The following MAPRE1 variants were observed in gnomAD, a reference collection of about 807,000 sequenced individuals.
The protein encoded by MAPRE1 is microtubule associated protein RP/EB family member 1, also known as microtubule-associated protein RP/EB family member 1.
MAPRE1 carries 5 observed loss-of-function variants against 32.1 expected under a neutral mutation model. The observed-to-expected ratio is 0.16, with a 90% CI of 0.08 to 0.33. The LOEUF (loss-of-function observed/expected upper bound fraction) is 0.33, where lower values mean the gene tolerates loss of function less well. Among genes scored for constraint, MAPRE1 ranks in the 10% least tolerant of loss-of-function variants. The pLI is 1.00. For synonymous variants in MAPRE1, 122 were observed against 118.9 expected (o/e 1.03, Z -0.17); for missense variants, 209 against 327.2 (o/e 0.64, Z 2.79).
intron 5 of MAPRE1, among the ~76,000 whole-genome samples, chr20:32,840,953 C>A (rs1983341019): frequency 6.6e-6 from 1 of 151,654 alleles, no homozygotes; most frequent in South Asian, 2.1e-4. Flanking sequence ...GTAGCTGGGA[C>A]TACAGTCGTG....
chr20:32,827,038 G>A (rs1000197115), intron 2 of MAPRE1, among the ~76,000 whole-genome samples: 1 of 152,142 alleles, frequency 6.6e-6, no homozygotes, highest in African/African-American at 2.4e-5. Flanking sequence ...AGAAGTACAA[G>A]ATCAAAGTCT....
chr20:32,836,042 A>G (rs774708239), intron 3 of MAPRE1, among the ~76,000 whole-genome samples: 15 of 152,038 alleles, frequency 9.9e-5, no homozygotes, highest in Admixed American at 5.2e-4. Flanking sequence ...ACTCACTGCA[A>G]CCTCTGTCTC....
In MAPRE1 at chr20:32,825,943, T is replaced by C; in HGVS notation, c.16T>C (p.Tyr6His). MAVNV[Y>H]STSVTSDNLS... ...GCTTTAGAAGATGGCAGTGAACGTATACTCAACGTCAGTGACCAGTGATAA... is the reference window on the plus strand; with the variant it reads ...GCTTTAGAAGATGGCAGTGAACGTACACTCAACGTCAGTGACCAGTGATAA... Residue 6 changes from tyrosine to histidine, a missense_variant, in exon 2 of 7, where the codon TAC becomes CAC. By Grantham distance (83) the Tyr-to-His change is moderately conservative. Around this residue, in one of 3 missense-constraint regions of MAPRE1, gnomAD observed 67 missense variants for 140.0 expected, o/e 0.48. Transcript: ENST00000375571. 1 of 1,603,664 alleles carries C rather than the reference T, an allele frequency of 6.2e-7. No homozygotes were observed. The highest frequency in any genetic ancestry group is 8.5e-7 in the Non-Finnish European group (1 of 1,171,866).
At chr20:32,837,097 C>T (rs902134507) in intron 4 of MAPRE1, among the ~76,000 whole-genome samples, 1 of 152,176 alleles carries the variant, frequency 6.6e-6, no homozygotes, top group Non-Finnish European at 1.5e-5. Flanking sequence ...ATACTTGCCC[C>T]AGAGGGTTTT....
chr20:32,830,813 C>T (rs1346531450), intron 2 of MAPRE1, among the ~76,000 whole-genome samples: 1 of 151,932 alleles, frequency 6.6e-6, no homozygotes, highest in Non-Finnish European at 1.5e-5. Context: ...CAAGCTCCAC[C>T]TCCCAGGTTC....
chr20:32,820,407 C>T (rs1029700960), intron 1 of MAPRE1, among the ~76,000 whole-genome samples: 1 of 152,008 alleles, frequency 6.6e-6, no homozygotes, highest in Non-Finnish European at 1.5e-5. Flanking sequence ...TGTGGGAGGC[C>T]GTGTTGCCTG....
intron 2 of MAPRE1, among the ~76,000 whole-genome samples, chr20:32,828,778 C>T (rs1982938318): frequency 6.6e-6 from 1 of 152,184 alleles, no homozygotes; most frequent in Admixed American, 6.5e-5. Context: ...TGAACCAGAT[C>T]TTTCTGAGCA....
intron 1 of MAPRE1, among the ~76,000 whole-genome samples, chr20:32,825,457 GTC>G (rs1419637865): frequency 6.6e-6 from 1 of 152,156 alleles, no homozygotes; most frequent in Non-Finnish European, 1.5e-5. Flanking sequence ...GAATCTTAGT[GTC>G]TCTCGTTTGG....
chr20:32,833,923 A>G, intron 3 of MAPRE1, 61 bp downstream of exon 3: 9 of 1,420,184 alleles, frequency 6.3e-6, no homozygotes, highest in South Asian at 1.4e-5. Context: ...CTAAGGAGGT[A>G]GATGCTAGCT....
chr20:32,839,824 G>A lies in MAPRE1; in HGVS notation c.565G>A (p.Gly189Arg), dbSNP rs964590656. Residue 189 changes from glycine to arginine, a missense_variant, in exon 5 of 7, where the codon GGA (glycine) becomes AGA (arginine). By Grantham distance (125) the Gly-to-Arg change is moderately radical. Coordinates refer to ENST00000375571, the MANE Select transcript of MAPRE1 (RefSeq NM_012325.3). ...VVRKNPGVGN[G>R]DDEAAELMQQ... ...GCGAAAGAACCCTGGTGTGGGCAAC[G>A]GAGACGACGAGGCAGCTGAGTTGAT... 4 of 1,614,192 alleles carry A rather than the reference G, an allele frequency of 2.5e-6. No individual in the cohort carries two copies. The highest frequency in any genetic ancestry group is 1.7e-5 in the Admixed American group (1 of 60,028).
intron 2 of MAPRE1, among the ~76,000 whole-genome samples, chr20:32,831,126 A>G (rs1983009114): frequency 6.6e-6 from 1 of 152,010 alleles, no homozygotes; most frequent in Non-Finnish European, 1.5e-5. Context: ...TTTTCTTCTG[A>G]TTATGAATAG....
intron 6 of MAPRE1, among the ~76,000 whole-genome samples, chr20:32,847,454 T>G (rs242536): frequency 0.69 from 104,616 of 152,194 alleles, 38,094 homozygotes; most frequent in East Asian, 1. Flanking sequence ...ACTACAAACT[T>G]CTGGTAGTAT....
At chr20:32,834,411 A>C (rs1983127564) in intron 3 of MAPRE1, among the ~76,000 whole-genome samples, 4 of 152,260 alleles carry the variant, frequency 2.6e-5, no homozygotes, top group Non-Finnish European at 5.9e-5. Flanking sequence ...ATGGTCCACC[A>C]GGCATGGTTT....
Position 32,833,907 on chromosome 20 carries a change from TCGTTA to T in MAPRE1, c.267+47_267+51del. 1.9e-6 allele frequency: 3 copies of T among 1,558,118 alleles called. No individual in the cohort carries two copies. The African/African-American group carries it at 4.1e-5, about 21-fold the overall frequency. On this transcript the variant is annotated intron_variant, in intron 3 of 6. Transcript: ENST00000375571. ...TATTGTGGTTAATGTTCCTTAATGA[TCGTTA>T]CTAAGGAGGTAGATGCTAGCTTATG...
At chr20:32,835,312 T>TA (rs1983157265) in intron 3 of MAPRE1, among the ~76,000 whole-genome samples, 1 of 152,008 alleles carries the variant, frequency 6.6e-6, no homozygotes, top group Non-Finnish European at 1.5e-5. Flanking sequence ...TAGAAATACT[T>TA]ACAGGGTCCT....
At chr20:32,827,286 TA>T (rs1433964272) in intron 2 of MAPRE1, among the ~76,000 whole-genome samples, 1 of 152,048 alleles carries the variant, frequency 6.6e-6, no homozygotes, top group East Asian at 1.9e-4. Context: ...CAGGCGCCTG[TA>T]ATCCCAGCTG....
At chr20:32,824,868 C>T (rs866084376) in intron 1 of MAPRE1, among the ~76,000 whole-genome samples, 1 of 151,478 alleles carries the variant, frequency 6.6e-6, no homozygotes, top group South Asian at 2.1e-4. Context: ...AAAAACCCAT[C>T]GGGCCAGGCG....
intron 4 of MAPRE1, among the ~76,000 whole-genome samples, 155 bp from the exon 5 acceptor site, chr20:32,839,580 C>T (rs1274845081): frequency 3.9e-5 from 6 of 152,168 alleles, no homozygotes; most frequent in South Asian, 2.1e-4. Context: ...AATGTGGGAG[C>T]GTTGTCTTGC....
At chr20:32,841,798 T>C (rs909994287) in intron 5 of MAPRE1, among the ~76,000 whole-genome samples, 1 of 152,148 alleles carries the variant, frequency 6.6e-6, no homozygotes, top group African/African-American at 2.4e-5. Flanking sequence ...TCTCTGAACT[T>C]ACTGCCTCAC....
Sources: allele counts gnomAD v4.1 joint callset (sites outside exome capture counted in the v4.1 genomes callset), GRCh38; gene constraint gnomAD v4.1.1; regional missense constraint gnomAD v4.1.1; transcripts MANE v1.5; gene names NCBI Gene and HGNC (gene_info 2026-07-23, HGNC 2026-07-21).